The following P4HA1 variants were observed in gnomAD, a reference collection of about 807,000 sequenced individuals.
P4HA1 encodes prolyl 4-hydroxylase subunit alpha 1.
P4HA1 carries 24 observed loss-of-function variants against 72.8 expected under a neutral mutation model. The ratio of observed to expected loss-of-function variants is 0.33; its 90% CI spans 0.24 to 0.46. The LOEUF is 0.46. Ranked by LOEUF, P4HA1 falls within the 20% of genes least tolerant of loss-of-function variation. P4HA1 has a pLI of 1.00. For synonymous variants in P4HA1, 201 were observed against 218.8 expected, an observed-to-expected ratio of 0.92 and a Z score of 0.72; for missense variants, 446 against 640.6, an observed-to-expected ratio of 0.70 and a Z score of 3.28.
chr10:73,078,600 A>ATTT lies in P4HA1; in HGVS notation c.-32-3688_-32-3686dup, dbSNP rs770821126. On this transcript the variant is annotated intron_variant, in intron 1 of 14. Coordinates refer to ENST00000394890, the MANE Select transcript of P4HA1 (RefSeq NM_001017962.3). ...TCTCTGGTTAGCAAAGCAGTAGGTA[A>ATTT]TTTTTTTTTTTTTTTTTTTTTTTTT... 7.5e-3 allele frequency among the ~76,000 whole-genome samples: 748 copies of ATTT among 99,712 alleles called. 87 individuals are homozygous for ATTT. Among genetic ancestry groups the ATTT allele is most frequent in the African/African-American group, 0.032 (674 of 21,288 alleles). The allele number at this position is 99,712 out of a possible 152,430, so 65.4% of individuals were successfully genotyped here.
At chr10:73,080,485 T>C (rs2133149382) in intron 1 of P4HA1, among the ~76,000 whole-genome samples, 1 of 152,382 alleles carries the variant, frequency 6.6e-6, no homozygotes, top group South Asian at 2.1e-4. Flanking sequence ...CAATTTATCT[T>C]ATGTAAAAGT....
At chr10:73,018,766 G>A (rs1418515162) in intron 10 of P4HA1, among the ~76,000 whole-genome samples, 1 of 151,852 alleles carries the variant, frequency 6.6e-6, no homozygotes, top group Admixed American at 6.6e-5. Context: ...CCTGGAGTTG[G>A]GCCAGGGCTG....
chr10:73,078,600 ATTTTTTTTTTTTTTT>A lies in P4HA1; in HGVS notation c.-32-3700_-32-3686del, dbSNP rs770821126. ...TCTCTGGTTAGCAAAGCAGTAGGTAATTTTTTTTTTTTTTTTTTTTTTTTTTTTGGAGACAGAGTC... is the reference window on the plus strand; with the variant it reads ...TCTCTGGTTAGCAAAGCAGTAGGTAATTTTTTTTTTTTTGGAGACAGAGTC... On this transcript the variant is annotated intron_variant, in intron 1 of 14. Transcript: ENST00000394890. Among the ~76,000 whole-genome samples the A allele has an allele frequency of 8.1e-4, 81 of 99,706 alleles. No homozygotes were observed. In the Middle Eastern group the frequency reaches 0.021, roughly 25 times the overall value. The allele number at this position is 99,706 out of a possible 152,430, so 65.4% of individuals were successfully genotyped here.
intron 6 of P4HA1, 98 bp downstream of exon 6, chr10:73,053,253 T>A (rs1389733251): frequency 8.3e-7 from 1 of 1,207,240 alleles, no homozygotes; most frequent in Admixed American, 2.3e-5. Context: ...TTCTAAAAAG[T>A]AAGAAAATAC....
chr10:73,072,832 T>C (rs768387778), intron 3 of P4HA1, among the ~76,000 whole-genome samples: 1 of 152,192 alleles, frequency 6.6e-6, no homozygotes, highest in Non-Finnish European at 1.5e-5. Flanking sequence ...GTGGCTTGAC[T>C]AAGAGGTTAG....
intron 9 of P4HA1, among the ~76,000 whole-genome samples, chr10:73,032,053 T>A (rs1840444314): frequency 6.6e-6 from 1 of 152,208 alleles, no homozygotes; most frequent in African/African-American, 2.4e-5. Flanking sequence ...AGGGCAGATA[T>A]GTTCCACTAA....
intron 9 of P4HA1, among the ~76,000 whole-genome samples, chr10:73,040,452 T>G (rs939744856): frequency 6.6e-6 from 1 of 151,548 alleles, no homozygotes; most frequent in African/African-American, 2.4e-5. Flanking sequence ...AAACAAACAG[T>G]CTTCCAAAAC....
At chr10:73,054,678 T>C (rs1239849996) in intron 5 of P4HA1, among the ~76,000 whole-genome samples, 2 of 152,272 alleles carry the variant, frequency 1.3e-5, no homozygotes, top group African/African-American at 2.4e-5. Context: ...ACTGCCAAAC[T>C]GTTTTCCAAA....
chr10:73,087,797 T>C (rs529806461), intron 1 of P4HA1, among the ~76,000 whole-genome samples: 1 of 151,828 alleles, frequency 6.6e-6, no homozygotes, highest in East Asian at 1.9e-4. Context: ...CAGCTTTGAG[T>C]TCCTTATACA....
intron 1 of P4HA1, among the ~76,000 whole-genome samples, chr10:73,090,577 G>C (rs370124727): frequency 6.6e-6 from 1 of 152,024 alleles, no homozygotes; most frequent in South Asian, 2.1e-4. Context: ...CAATAAAGTC[G>C]TTAAAATATA....
intron 12 of P4HA1, among the ~76,000 whole-genome samples, chr10:73,011,699 C>T (rs1839913718): frequency 6.6e-6 from 1 of 151,816 alleles, no homozygotes; most frequent in Admixed American, 6.6e-5. Context: ...TTTTTTAAAG[C>T]AACATAAGTA....
At position 73,047,067 on chromosome 10, in the gene P4HA1, T is replaced by A; in HGVS notation, c.935A>T (p.Tyr312Phe). ...TTTAGGATTACGGTTTCCATCATGG[T>A]AGCGGCAAAAGAGTTTTTTCTGTCT... is the stretch of plus-strand genomic sequence containing the variant. ...PRRQKKLFCRYHDGNRNPKFI... is the reference protein window; with the variant it reads ...PRRQKKLFCRFHDGNRNPKFI... The change falls in exon 8 of 15, where the codon TAC becomes TTC. Residue 312 changes from tyrosine (Y) to phenylalanine (F), a missense_variant. Transcript: ENST00000394890. The A allele has an allele frequency of 6.2e-7, 1 of 1,613,776 alleles. No homozygotes were observed. The highest frequency in any genetic ancestry group is 8.5e-7 in the Non-Finnish European group (1 of 1,179,736).
intron 1 of P4HA1, among the ~76,000 whole-genome samples, chr10:73,076,127 T>C (rs1841691709): frequency 6.6e-6 from 1 of 152,086 alleles, no homozygotes; most frequent in Non-Finnish European, 1.5e-5. Flanking sequence ...GATGGTGGAA[T>C]GACTCTGTGA....
intron 1 of P4HA1, among the ~76,000 whole-genome samples, chr10:73,075,570 A>G (rs758193061): frequency 7.9e-5 from 12 of 152,180 alleles, no homozygotes; most frequent in Non-Finnish European, 1.8e-4. Flanking sequence ...GACCTATCCT[A>G]TGACTTTCTC....
Position 73,074,817 on chromosome 10 carries a change from TA to T in P4HA1, c.66del (p.Phe22LeufsTer7). 4 of 1,542,126 alleles carry T rather than the reference TA, an allele frequency of 2.6e-6. No individual in the cohort carries two copies. Among genetic ancestry groups the T allele is most frequent in the South Asian group, 1.1e-5 (1 of 89,350 alleles). ...LPQSLAHPGF[F>X]TSIGQMTDLI... The stretch of plus-strand genomic sequence containing the variant: ...AAGTAGTAAGACTTACCAATTGAAG[TA>T]AAAAAGCCTGGATGAGCCAAAGACT... On this transcript the variant is annotated frameshift_variant, in exon 2 of 15. Transcript: ENST00000394890. LOFTEE classifies it high-confidence loss of function.
At chr10:73,074,596 T>G (rs1378317242) in intron 2 of P4HA1, among the ~76,000 whole-genome samples, 3 of 152,174 alleles carry the variant, frequency 2.0e-5, no homozygotes, top group Non-Finnish European at 4.4e-5. Context: ...AGACTAAGTA[T>G]ATGCATTAAA....
chr10:73,089,363 G>A (rs1841981861), intron 1 of P4HA1, among the ~76,000 whole-genome samples: 1 of 152,116 alleles, frequency 6.6e-6, no homozygotes, highest in Admixed American at 6.5e-5. Flanking sequence ...CATGTTGTCT[G>A]TGAATAGAAA....
chr10:73,030,071 G>T (rs998197644), intron 10 of P4HA1, among the ~76,000 whole-genome samples, 200 bp downstream of exon 10: 1 of 152,088 alleles, frequency 6.6e-6, no homozygotes, highest in Non-Finnish European at 1.5e-5. Flanking sequence ...TTCATGTTTT[G>T]ACAAGAAATT....
chr10:73,045,407 G>A (rs1182412402), intron 8 of P4HA1, among the ~76,000 whole-genome samples: 1 of 151,488 alleles, frequency 6.6e-6, no homozygotes, highest in Non-Finnish European at 1.5e-5. Flanking sequence ...GGGAGAGAAG[G>A]GGAAAAAAAG....
Sources: gnomAD v4.1 joint callset for allele counts (sites outside exome capture counted in the v4.1 genomes callset) on GRCh38, gnomAD v4.1.1 for gene constraint, MANE v1.5 for transcripts, NCBI Gene and HGNC (gene_info 2026-07-23, HGNC 2026-07-21) for gene names.